ETV1: variants seen among roughly 807,000 people sequenced by gnomAD.
The protein encoded by ETV1 is ETS translocation variant 1.
A neutral mutation model predicts 62.3 loss-of-function variants in ETV1; 27 were observed. The ratio of observed to expected loss-of-function variants is 0.43; its 90% CI spans 0.32 to 0.60. The LOEUF (loss-of-function observed/expected upper bound fraction) is 0.60, where lower values mean the gene tolerates loss of function less well. Ranked by LOEUF, ETV1 falls within the 20% of genes least tolerant of loss-of-function variation. The pLI is 0.06. For synonymous variants in ETV1, 222 were observed against 199.6 expected (o/e 1.11, Z -0.94); for missense variants, 605 against 605.8 (o/e 1.00, Z 0.01).
intron 4 of ETV1, among the ~76,000 whole-genome samples, chr7:13,987,702 A>G (rs1259583591): frequency 6.6e-6 from 1 of 152,204 alleles, no homozygotes; most frequent in Non-Finnish European, 1.5e-5. Flanking sequence ...TTAACTTGTA[A>G]TAAAGGAGAA....
At chr7:13,958,341 G>T (rs548434065) in intron 6 of ETV1, among the ~76,000 whole-genome samples, 13 of 152,174 alleles carry the variant, frequency 8.5e-5, no homozygotes, top group African/African-American at 2.6e-4. Context: ...CCCACAAAAT[G>T]ACCTATCAAA....
chr7:13,956,448 C>T (rs1211071003), intron 6 of ETV1, among the ~76,000 whole-genome samples: 2 of 152,090 alleles, frequency 1.3e-5, no homozygotes, highest in Non-Finnish European at 2.9e-5. Flanking sequence ...CAAGCCTTGT[C>T]TGATGGGAAC....
chr7:13,940,052 T>C (rs1243643103), intron 6 of ETV1, among the ~76,000 whole-genome samples: 1 of 152,110 alleles, frequency 6.6e-6, no homozygotes, highest in Non-Finnish European at 1.5e-5. Context: ...ATCACAGCTG[T>C]AAATCCAATA....
chr7:13,967,168 GA>G (rs1489934226), intron 6 of ETV1, among the ~76,000 whole-genome samples: 1 of 151,996 alleles, frequency 6.6e-6, no homozygotes, highest in Non-Finnish European at 1.5e-5. Context: ...TTTGCAAACA[GA>G]AATGTGAATA....
chr7:13,903,476 T>A (rs1269245202), intron 12 of ETV1, among the ~76,000 whole-genome samples: 1 of 151,920 alleles, frequency 6.6e-6, no homozygotes, highest in East Asian at 1.9e-4. Flanking sequence ...TAATAATTGT[T>A]TCCCGGCCGG....
chr7:13,967,996 T>C (rs1473389929), intron 6 of ETV1, among the ~76,000 whole-genome samples: 2 of 152,094 alleles, frequency 1.3e-5, no homozygotes, highest in Non-Finnish European at 2.9e-5. Flanking sequence ...TCTGCAAATA[T>C]TTTCCACTGA....
chr7:13,931,464 A>G (rs1279316953), intron 9 of ETV1, 38 bp downstream of exon 9: 1 of 1,612,162 alleles, frequency 6.2e-7, no homozygotes, highest in Non-Finnish European at 8.5e-7. Flanking sequence ...GAGGTGAAAA[A>G]GTGCCTTGAA....
In ETV1 at chr7:13,989,003, C is replaced by T. The variant is rs1454882132; in HGVS notation, c.45+5G>A. ...TAAACAGCAACTTTCAAACTGATCACTCACATTGGTGACCATGTAAGGCAC... is the reference window on the plus strand; with the variant it reads ...TAAACAGCAACTTTCAAACTGATCATTCACATTGGTGACCATGTAAGGCAC... On this transcript the variant is annotated splice_donor_5th_base_variant and intron_variant, in intron 3 of 13. Transcript: ENST00000430479. 6.2e-7 allele frequency: 1 copy of T among 1,602,458 alleles called. No individual in the cohort carries two copies. The highest frequency in any genetic ancestry group is 8.5e-7 in the Non-Finnish European group (1 of 1,173,702).
chr7:13,899,892 G>T (rs1562582881), intron 13 of ETV1, among the ~76,000 whole-genome samples: 1 of 152,172 alleles, frequency 6.6e-6, no homozygotes, highest in Non-Finnish European at 1.5e-5. Context: ...CCCCTTGGAG[G>T]CCAAGGCAGG....
upstream of ETV1, chr7:13,991,341 C>G (rs571628571): frequency 1.9e-4 from 29 of 152,400 alleles, no homozygotes; most frequent in African/African-American, 2.9e-4. Flanking sequence ...CTCTGCAGCC[C>G]GAGCCTGACG....
At chr7:13,922,734 AT>A (rs1291368804) in intron 9 of ETV1, among the ~76,000 whole-genome samples, 2 of 152,152 alleles carry the variant, frequency 1.3e-5, no homozygotes, top group African/African-American at 4.8e-5. Flanking sequence ...AGTTACCTTT[AT>A]TTCTACTCCC....
At chr7:13,905,239 G>C (rs1016415292) in intron 12 of ETV1, among the ~76,000 whole-genome samples, 2 of 152,064 alleles carry the variant, frequency 1.3e-5, no homozygotes, top group African/African-American at 4.8e-5. Context: ...GTTTAATAAA[G>C]ACAGAAAATT....
intron 13 of ETV1, among the ~76,000 whole-genome samples, chr7:13,898,865 G>A (rs532908381): frequency 1.8e-4 from 27 of 152,314 alleles, no homozygotes; most frequent in Non-Finnish European, 2.8e-4. Context: ...TGGGTGCAGT[G>A]ATGCAAACCT....
intron 9 of ETV1, among the ~76,000 whole-genome samples, chr7:13,915,685 T>C (rs1183415169): frequency 6.6e-6 from 1 of 152,178 alleles, no homozygotes; most frequent in Non-Finnish European, 1.5e-5. Flanking sequence ...AATTGTCACA[T>C]GTCAAATTGA....
chr7:13,987,082 A>G (rs957753690), intron 4 of ETV1: 4 of 178,590 alleles, frequency 2.2e-5, no homozygotes, highest in African/African-American at 9.7e-5. Context: ...AAGACTGAAA[A>G]GCATTTTATT....
chr7:13,934,849 G>C (rs1012119486), intron 8 of ETV1, among the ~76,000 whole-genome samples: 1 of 152,076 alleles, frequency 6.6e-6, no homozygotes, highest in African/African-American at 2.4e-5. Context: ...CACAGACCCA[G>C]CAAAAGCTAC....
rs545483585 is a variant in ETV1 at position 13,986,962 on chromosome 7, C to G, written c.134-277G>C. The G allele has an allele frequency of 1.8e-5, 6 of 325,444 alleles. No homozygotes were observed. In the East Asian group the frequency reaches 3.7e-4, roughly 20 times the overall value. 20.2% of individuals were successfully genotyped at this position (325,444 alleles called of 1,614,324 possible). The stretch of plus-strand genomic sequence containing the variant: ...TAACAAACAGCTTAATAAATAAGCT[C>G]AGGGATACCAGAATTCACAAAAAGG... On this transcript the variant is annotated intron_variant, in intron 4 of 13. Coordinates refer to ENST00000430479, the MANE Select transcript of ETV1 (RefSeq NM_004956.5).
At chr7:13,937,593 G>C (rs1786954643) in intron 7 of ETV1, among the ~76,000 whole-genome samples, 1 of 152,172 alleles carries the variant, frequency 6.6e-6, no homozygotes, top group Non-Finnish European at 1.5e-5. Context: ...GATTAATGCT[G>C]AAAGGCAATG....
At chr7:13,979,085 C>T (rs916938892) in intron 5 of ETV1, among the ~76,000 whole-genome samples, 1 of 152,058 alleles carries the variant, frequency 6.6e-6, no homozygotes, top group Admixed American at 6.6e-5. Context: ...TGGGTAACAA[C>T]TTCAAAGTTA....
Sources: allele counts gnomAD v4.1 joint callset (sites outside exome capture counted in the v4.1 genomes callset), GRCh38; gene constraint gnomAD v4.1.1; transcripts MANE v1.5; gene names NCBI Gene and HGNC (gene_info 2026-07-23, HGNC 2026-07-21).